SV2C: variants seen among roughly 807,000 people sequenced by gnomAD.
SV2C encodes the protein synaptic vesicle glycoprotein 2C.
In SV2C, 49 loss-of-function variants were observed where a neutral mutation model predicts 79.7. The ratio of observed to expected loss-of-function variants is 0.61; its 90% CI spans 0.49 to 0.78. The LOEUF (loss-of-function observed/expected upper bound fraction) is 0.78. Ranked by LOEUF, SV2C falls within the 30% of genes least tolerant of loss-of-function variation. SV2C has a pLI of 0.00. For synonymous variants in SV2C, 334 were observed against 333.2 expected (o/e 1.00, Z -0.03); for missense variants, 833 against 912.9 (o/e 0.91, Z 1.13).
chr5:75,978,631 TTTAGA>T, the SV2C span, among the ~76,000 whole-genome samples: 2 of 152,202 alleles, frequency 1.3e-5, no homozygotes, highest in African/African-American at 4.8e-5. Context: ...TATATTATTG[TTTAGA>T]TTATTAATAA....
At chr5:75,964,430 G>T in the SV2C span, among the ~76,000 whole-genome samples, 2 of 152,068 alleles carry the variant, frequency 1.3e-5, no homozygotes, top group Non-Finnish European at 2.9e-5. Context: ...CTGATATAGT[G>T]GGGGCTCAGC....
intron 1 of SV2C, among the ~76,000 whole-genome samples, chr5:76,108,949 G>T (rs1041296863): frequency 6.6e-6 from 1 of 152,144 alleles, no homozygotes; most frequent in Non-Finnish European, 1.5e-5. Context: ...AATAGCCCAA[G>T]GTCCCCAGCC....
intron 9 of SV2C, among the ~76,000 whole-genome samples, chr5:76,296,578 A>T (rs1747773756): frequency 6.6e-6 from 1 of 152,222 alleles, no homozygotes; most frequent in South Asian, 2.1e-4. Flanking sequence ...AAAAGAGTAG[A>T]CCAAGTACTT....
chr5:76,307,151 A>G (rs1748220247), intron 12 of SV2C, among the ~76,000 whole-genome samples: 1 of 152,174 alleles, frequency 6.6e-6, no homozygotes, highest in African/African-American at 2.4e-5. Context: ...TGCCAAATTT[A>G]TGAGGTTTTC....
At chr5:76,118,082 T>C (rs990760476) in intron 1 of SV2C, among the ~76,000 whole-genome samples, 1 of 152,226 alleles carries the variant, frequency 6.6e-6, no homozygotes, top group Non-Finnish European at 1.5e-5. Context: ...ACTTAAAATA[T>C]AGAAATTTAT....
At chr5:76,061,685 T>A in the SV2C span, among the ~76,000 whole-genome samples, 4 of 152,080 alleles carry the variant, frequency 2.6e-5, no homozygotes, top group South Asian at 4.1e-4. Flanking sequence ...CGATAGAGAA[T>A]CAAACATTAT....
intron 1 of SV2C, among the ~76,000 whole-genome samples, chr5:76,111,707 C>T (rs1316906287): frequency 2.0e-5 from 3 of 152,146 alleles, no homozygotes; most frequent in Non-Finnish European, 4.4e-5. Context: ...TTTACTTTCT[C>T]AGTATTATAC....
chr5:76,292,501 T>A (rs1257469815), intron 8 of SV2C, among the ~76,000 whole-genome samples: 1 of 152,020 alleles, frequency 6.6e-6, no homozygotes, highest in Non-Finnish European at 1.5e-5. Flanking sequence ...CAAAGCTGAG[T>A]GTGGTGCCAT....
At chr5:76,125,617 GAGCATATA>G (rs1748679170) in intron 1 of SV2C, among the ~76,000 whole-genome samples, 1 of 152,146 alleles carries the variant, frequency 6.6e-6, no homozygotes, top group African/African-American at 2.4e-5. Context: ...GTAAGTGTGA[GAGCATATA>G]AAGTCATATA....
the SV2C span, among the ~76,000 whole-genome samples, chr5:75,946,740 A>G: frequency 8.0e-4 from 122 of 152,118 alleles, no homozygotes; most frequent in Non-Finnish European, 9.7e-4. Context: ...AGGACAGAGA[A>G]CACATCAGTG....
intron 4 of SV2C, among the ~76,000 whole-genome samples, chr5:76,217,711 A>G (rs1229190841): frequency 6.6e-6 from 1 of 152,290 alleles, no homozygotes; most frequent in East Asian, 1.9e-4. Context: ...ACTAAAAAGC[A>G]TAAACCCTGC....
the SV2C span, among the ~76,000 whole-genome samples, chr5:75,884,442 A>G: frequency 6.6e-6 from 1 of 152,180 alleles, no homozygotes; most frequent in South Asian, 2.1e-4. Context: ...TACAGAAGCA[A>G]CATCATTACA....
the SV2C span, among the ~76,000 whole-genome samples, chr5:75,982,232 TAAA>T: frequency 9.1e-6 from 1 of 109,704 alleles, no homozygotes; most frequent in Non-Finnish European, 1.9e-5. Context: ...ATTAAAAAAA[TAAA>T]AAGAAAAAAA....
chr5:75,907,702 C>T, the SV2C span, among the ~76,000 whole-genome samples: 3 of 152,098 alleles, frequency 2.0e-5, no homozygotes, highest in African/African-American at 4.8e-5. Flanking sequence ...CGAGACAGAT[C>T]CATTTTAAAT....
chr5:75,989,896 T>A, the SV2C span, among the ~76,000 whole-genome samples: 1 of 147,284 alleles, frequency 6.8e-6, no homozygotes, highest in South Asian at 2.2e-4. Flanking sequence ...GATGTTGAGC[T>A]TTTTTTTTTT....
Position 76,223,466 on chromosome 5 carries a change from T to C in SV2C, c.913+13579T>C, listed in dbSNP as rs374033700. Among the ~76,000 whole-genome samples, 38 of 62,342 alleles carry C rather than the reference T, an allele frequency of 6.1e-4. 1 individual carries two copies. The highest frequency in any genetic ancestry group is 2.9e-3 in the Admixed American group (20 of 7,016). 40.9% of individuals were successfully genotyped at this position (62,342 alleles called of 152,430 possible). On this transcript the variant is annotated intron_variant, in intron 4 of 12. Transcript: ENST00000502798. ...ATACATATATATATATATATATATA[T>C]ATATATATATATATATATATATATA...
the SV2C span, among the ~76,000 whole-genome samples, chr5:76,040,586 G>A: frequency 0.81 from 123,911 of 152,236 alleles, 51,120 homozygotes; most frequent in African/African-American, 0.95. Context: ...AGTTGTCACA[G>A]AGGAAGCAAA....
the SV2C span, among the ~76,000 whole-genome samples, chr5:75,982,162 A>G: frequency 3.5e-4 from 53 of 151,690 alleles, no homozygotes; most frequent in African/African-American, 1.3e-3. Context: ...GCGCACCAGC[A>G]TGGCACATGT....
chr5:75,999,280 G>A, the SV2C span, among the ~76,000 whole-genome samples: 1 of 147,098 alleles, frequency 6.8e-6, no homozygotes, highest in Non-Finnish European at 1.5e-5. Context: ...ATGTGTGTAT[G>A]TACATATATA....
Sources: gnomAD v4.1 joint callset for allele counts (sites outside exome capture counted in the v4.1 genomes callset) on GRCh38, gnomAD v4.1.1 for gene constraint, MANE v1.5 for transcripts, NCBI Gene and HGNC (gene_info 2026-07-23, HGNC 2026-07-21) for gene names.